The following SRRM3 variants were observed in gnomAD, a reference collection of about 807,000 sequenced individuals.
SRRM3 encodes serine/arginine repetitive matrix 3.
Under a neutral mutation model 66.2 loss-of-function variants are expected in SRRM3, and 27 were observed. The ratio of observed to expected loss-of-function variants is 0.41; its 90% confidence interval spans 0.30 to 0.56. SRRM3 has a LOEUF of 0.56. Among genes scored for constraint, SRRM3 ranks in the 20% least tolerant of loss-of-function variants. SRRM3 has a pLI of 0.32. For synonymous variants in SRRM3, 391 were observed against 414.9 expected (o/e 0.94, Z 0.70); for missense variants, 918 against 991.9 (o/e 0.93, Z 1.00).
In SRRM3 at chr7:76,253,166, C is replaced by G. The variant is rs145876455; in HGVS notation, c.335+4877C>G. On this transcript the variant is annotated intron_variant, in intron 3 of 14. Coordinates refer to ENST00000611745, the MANE Select transcript of SRRM3 (RefSeq NM_001110199.3). ...TGGGTGACAGAGCAAGACTCCATCT[C>G]AAATAAATACATAAATAACATTAAA... Among the ~76,000 whole-genome samples, 194 of 150,782 alleles carry G rather than the reference C, an allele frequency of 1.3e-3. 9 individuals are homozygous for G. The South Asian group carries it at 0.036, about 28-fold the overall frequency.
chr7:76,212,119 G>T (rs1021823117), intron 1 of SRRM3, among the ~76,000 whole-genome samples: 1 of 149,240 alleles, frequency 6.7e-6, no homozygotes, highest in Non-Finnish European at 1.5e-5. Context: ...CTCCCAAAGT[G>T]CTGGGATTAC....
intron 3 of SRRM3, among the ~76,000 whole-genome samples, chr7:76,254,965 C>T (rs1801671133): frequency 1.3e-5 from 2 of 151,894 alleles, no homozygotes; most frequent in Admixed American, 6.6e-5. Context: ...ATGACATGAG[C>T]CTCTCCTCTG....
intron 11 of SRRM3, 89 bp from the exon 12 acceptor site, chr7:76,281,352 C>T (rs948718785): frequency 1.0e-6 from 1 of 962,904 alleles, no homozygotes. Context: ...ATCTCTCTCT[C>T]CCGTCTGTCT....
chr7:76,274,724 T>C (rs554118230), intron 11 of SRRM3, among the ~76,000 whole-genome samples: 2 of 152,302 alleles, frequency 1.3e-5, no homozygotes, highest in African/African-American at 4.8e-5. Context: ...CTGAGGGTAC[T>C]AGAGTCAGAG....
At chr7:76,205,035 C>A (rs1800260592) in intron 1 of SRRM3, among the ~76,000 whole-genome samples, 1 of 152,060 alleles carries the variant, frequency 6.6e-6, no homozygotes, top group African/African-American at 2.4e-5. Flanking sequence ...ATTGAACCCT[C>A]CCCCATCTCT....
chr7:76,273,693 T>C (rs1802267898), intron 11 of SRRM3: 1 of 152,224 alleles, frequency 6.6e-6, no homozygotes, highest in Non-Finnish European at 1.5e-5. Flanking sequence ...TCTCTCTCAA[T>C]CTTGCCCTGG....
intron 1 of SRRM3, among the ~76,000 whole-genome samples, chr7:76,207,281 G>A (rs1315363924): frequency 2.6e-5 from 4 of 151,332 alleles, no homozygotes; most frequent in Middle Eastern, 3.4e-3. Flanking sequence ...CAGCCTGGGC[G>A]ACAGAGTGGG....
At chr7:76,219,330 T>C (rs1483438140) in intron 1 of SRRM3, among the ~76,000 whole-genome samples, 1 of 152,218 alleles carries the variant, frequency 6.6e-6, no homozygotes, top group African/African-American at 2.4e-5. Context: ...TGCACTGATC[T>C]CACCTGAGCA....
chr7:76,218,406 C>T (rs1395009046), intron 1 of SRRM3, among the ~76,000 whole-genome samples: 2 of 152,136 alleles, frequency 1.3e-5, no homozygotes, highest in African/African-American at 2.4e-5. Flanking sequence ...TTCTGTAGAA[C>T]ATTCTCCCCA....
intron 11 of SRRM3, among the ~76,000 whole-genome samples, chr7:76,270,246 G>A (rs1222804717): frequency 2.3e-4 from 35 of 152,188 alleles, no homozygotes; most frequent in African/African-American, 8.2e-4. Context: ...GCTGGACACA[G>A]GGGACAGGGA....
chr7:76,282,734 A>C lies in SRRM3; in HGVS notation c.1457A>C (p.Lys486Thr). 6.9e-7 allele frequency: 1 copy of C among 1,454,640 alleles called. No homozygotes were observed. 90.1% of individuals were successfully genotyped at this position (1,454,640 alleles called of 1,614,324 possible). A position where few individuals can be genotyped will look rare whatever the true frequency, so the allele number is the denominator to read the frequency against. ...GGCCGGCGCGGCGGCCCAGAAGGGA[A>C]GAGCTCGTCGCGCAGCCCCGGCCCG... ...AHGRRGGPEG[K>T]SSSRSPGPHP... The change falls in exon 13 of 15, where the codon AAG becomes ACG. Residue 486 changes from lysine to threonine, a missense_variant. Physicochemically the swap from Lys to Thr is moderately conservative, Grantham distance 78. Coordinates refer to ENST00000611745, the MANE Select transcript of SRRM3 (RefSeq NM_001110199.3).
chr7:76,215,346 T>G (rs2116947885), intron 1 of SRRM3, among the ~76,000 whole-genome samples: 1 of 150,226 alleles, frequency 6.7e-6, no homozygotes, highest in South Asian at 2.1e-4. Flanking sequence ...GAAGATTAAA[T>G]GGCTCCCATA....
chr7:76,211,683 TC>T (rs1286857435), intron 1 of SRRM3, among the ~76,000 whole-genome samples: 1 of 152,010 alleles, frequency 6.6e-6, no homozygotes, highest in African/African-American at 2.4e-5. Context: ...GCAGCCATGG[TC>T]CCTAGGTGCA....
intron 12 of SRRM3, among the ~76,000 whole-genome samples, chr7:76,282,011 C>G (rs562983551): frequency 1.2e-4 from 15 of 129,766 alleles, no homozygotes; most frequent in African/African-American, 4.4e-4. Context: ...AACTACCCCC[C>G]ACGGATCTCA....
intron 1 of SRRM3, among the ~76,000 whole-genome samples, chr7:76,227,116 AGTG>A (rs1800891080): frequency 8.2e-6 from 1 of 122,170 alleles, no homozygotes; most frequent in South Asian, 3.4e-4. Context: ...TCAGCCAATC[AGTG>A]GTAGGGTAAA....
At chr7:76,265,875 T>TTA (rs1554609531) in intron 10 of SRRM3, among the ~76,000 whole-genome samples, 2 of 30,610 alleles carry the variant, frequency 6.5e-5, no homozygotes, top group Non-Finnish European at 9.0e-5. Flanking sequence ...TTTTTTTTTT[T>TTA]TTTTTTTTTT....
rs1554609936 is a variant in SRRM3, at chr7:76,267,425, G to T, written c.998G>T (p.Ser333Ile). The T allele has an allele frequency of 1.5e-6, 2 of 1,365,878 alleles. No homozygotes were observed. The highest frequency in any genetic ancestry group is 1.9e-6 in the Non-Finnish European group (2 of 1,064,694). The allele number at this position is 1,365,878 out of a possible 1,614,324, so 84.6% of individuals were successfully genotyped here. A position where few individuals can be genotyped will look rare whatever the true frequency, so the allele number is the denominator to read the frequency against. ...GGGGGCCGCCCCGGCTCGGCGCACA[G>T]CCCGCCCGATGTACGTACGCTTCGC... The part of the protein sequence containing the change: ...AHGGRPGSAH[S>I]PPDKPSSPSP... The change falls in exon 11 of 15, where the codon AGC becomes ATC. Residue 333 changes from serine to isoleucine, a missense_variant. Coordinates refer to ENST00000611745, the MANE Select transcript of SRRM3 (RefSeq NM_001110199.3).
intron 11 of SRRM3, 155 bp downstream of exon 11, chr7:76,267,590 C>T (rs1802105855): frequency 1.5e-6 from 1 of 655,018 alleles, no homozygotes; most frequent in Non-Finnish European, 2.2e-6. Flanking sequence ...GCTGGGCGTC[C>T]TGGCTCGGGA....
At chr7:76,261,611 A>T in intron 8 of SRRM3, 30 bp downstream of exon 8, 1 of 1,604,892 alleles carries the variant, frequency 6.2e-7, no homozygotes, top group Non-Finnish European at 8.5e-7. Context: ...GGACATGGTC[A>T]GTGGTCCCTT....
Sources: gnomAD v4.1 joint callset for allele counts (sites outside exome capture counted in the v4.1 genomes callset) on GRCh38, gnomAD v4.1.1 for gene constraint, MANE v1.5 for transcripts, NCBI Gene and HGNC (gene_info 2026-07-23, HGNC 2026-07-21) for gene names.